Variants in TMEFF2 observed in about 807,000 individuals in gnomAD.
TMEFF2 encodes the protein transmembrane protein with EGF like and two follistatin like domains 2, also known as tomoregulin-2.
In TMEFF2, 28 loss-of-function variants were observed where a neutral mutation model predicts 53.8. That is an observed-to-expected ratio of 0.52 (90% CI 0.39 to 0.71). The LOEUF is 0.71. Ranked by LOEUF, TMEFF2 falls within the 30% of genes least tolerant of loss-of-function variation. TMEFF2 has a pLI of 0.00. For missense variants in TMEFF2, 353 were observed against 455.2 expected, an observed-to-expected ratio of 0.78 and a Z score of 2.04; for synonymous variants, 162 against 166.3, an observed-to-expected ratio of 0.97 and a Z score of 0.20.
chr2:192,092,192 GA>G (rs1270788805), intron 4 of TMEFF2, among the ~76,000 whole-genome samples: 6 of 151,608 alleles, frequency 4.0e-5, no homozygotes, highest in Non-Finnish European at 7.4e-5. Flanking sequence ...TGAATGAGTG[GA>G]AAAAAAATGG....
chr2:192,132,288 G>A (rs995338318), intron 4 of TMEFF2, among the ~76,000 whole-genome samples: 9 of 152,170 alleles, frequency 5.9e-5, no homozygotes, highest in South Asian at 2.1e-4. Context: ...CATAGTCCAG[G>A]TTAATGCTCC....
At chr2:192,185,935 A>G (rs987626391) in intron 2 of TMEFF2, among the ~76,000 whole-genome samples, 4 of 152,142 alleles carry the variant, frequency 2.6e-5, no homozygotes, top group Non-Finnish European at 4.4e-5. Flanking sequence ...TCCAAACAGT[A>G]AACCCAAATG....
chr2:192,194,871 GGA>G lies in TMEFF2; in HGVS notation c.-349_-348del. The G allele has an allele frequency of 3.7e-6, 1 of 267,566 alleles. No individual in the cohort carries two copies. The allele number at this position is 267,566 out of a possible 1,614,324, so 16.6% of individuals were successfully genotyped here. On this transcript the variant is annotated 5_prime_UTR_variant, in exon 1 of 10. Transcript: ENST00000272771. The surrounding 1 kb of genome is among the most constrained non-coding windows in gnomAD (Gnocchi z 4.2). ...TGGAGCCCGAGGAGGCAGGGTGGAG[GGA>G]GAGTCAAGGCGCCCCGCAGCCCGGC...
intron 4 of TMEFF2, among the ~76,000 whole-genome samples, chr2:192,098,634 A>G (rs12473522): frequency 0.63 from 95,907 of 152,076 alleles, 35,488 homozygotes; most frequent in Non-Finnish European, 0.83. Flanking sequence ...CAATTGGATG[A>G]TAAAAGTAAA....
At chr2:192,037,369 A>T (rs1318226819) in intron 5 of TMEFF2, among the ~76,000 whole-genome samples, 1 of 150,276 alleles carries the variant, frequency 6.7e-6, no homozygotes, top group African/African-American at 2.5e-5. Context: ...CTCTCACTTA[A>T]GTTTTTTTTC....
At chr2:192,158,044 C>T (rs1690547400) in intron 4 of TMEFF2, among the ~76,000 whole-genome samples, 1 of 152,044 alleles carries the variant, frequency 6.6e-6, no homozygotes, top group African/African-American at 2.4e-5. Context: ...TTATTTTTGC[C>T]TCCCTGGCAC....
At chr2:192,101,292 G>A (rs1475673934) in intron 4 of TMEFF2, among the ~76,000 whole-genome samples, 2 of 152,098 alleles carry the variant, frequency 1.3e-5, no homozygotes, top group African/African-American at 4.8e-5. Flanking sequence ...CGTGTAATTA[G>A]TTGTGTGATA....
chr2:192,132,794 G>A (rs568083177), intron 4 of TMEFF2, among the ~76,000 whole-genome samples: 5 of 152,202 alleles, frequency 3.3e-5, no homozygotes, highest in East Asian at 1.9e-4. Context: ...GCTGAAAATC[G>A]GAGTGTTCAA....
At chr2:192,138,781 T>G (rs1161398409) in intron 4 of TMEFF2, among the ~76,000 whole-genome samples, 1 of 152,180 alleles carries the variant, frequency 6.6e-6, no homozygotes, top group African/African-American at 2.4e-5. Context: ...TTCCTGAATC[T>G]GAAATAATGG....
chr2:192,057,967 A>G (rs1197381857), intron 4 of TMEFF2, among the ~76,000 whole-genome samples, 192 bp from the exon 5 acceptor site: 1 of 152,146 alleles, frequency 6.6e-6, no homozygotes, highest in Non-Finnish European at 1.5e-5. Flanking sequence ...TATGTTTCCC[A>G]TTGGTATGTG....
chr2:191,983,353 G>A (rs1159304080), intron 7 of TMEFF2, among the ~76,000 whole-genome samples: 3 of 150,386 alleles, frequency 2.0e-5, no homozygotes, highest in Admixed American at 2.0e-4. Context: ...TGGCACTGTT[G>A]CAGTAGACAG....
At chr2:191,963,132 G>A (rs150853603) in intron 7 of TMEFF2, among the ~76,000 whole-genome samples, 1 of 152,190 alleles carries the variant, frequency 6.6e-6, no homozygotes, top group Admixed American at 6.5e-5. Context: ...CTTATCTGGG[G>A]CAATTTGTTG....
At chr2:191,952,382 T>G (rs1047768332) in intron 9 of TMEFF2, among the ~76,000 whole-genome samples, 3 of 152,236 alleles carry the variant, frequency 2.0e-5, no homozygotes, top group Admixed American at 2.0e-4. Flanking sequence ...TTGTTGAGAT[T>G]ATATCCATTA....
intron 4 of TMEFF2, among the ~76,000 whole-genome samples, chr2:192,089,230 C>T (rs1397648037): frequency 6.6e-6 from 1 of 151,970 alleles, no homozygotes; most frequent in Non-Finnish European, 1.5e-5. Flanking sequence ...TTTTAAATCC[C>T]TTTAGGCTCA....
Position 191,953,883 on chromosome 2 carries a change from ATTTTTTTTT to A in TMEFF2, c.870-55_870-47del, listed in dbSNP as rs563154787. The A allele has an allele frequency of 9.7e-5, 59 of 610,284 alleles. No homozygotes were observed. The African/African-American group carries it at 1.3e-3, about 13-fold the overall frequency. The allele number at this position is 610,284 out of a possible 1,614,324, so 37.8% of individuals were successfully genotyped here. A position where few individuals can be genotyped will look rare whatever the true frequency, so the allele number is the denominator to read the frequency against. On this transcript the variant is annotated intron_variant, in intron 8 of 9. Transcript: ENST00000272771. ...CAGTTACCTGTAGGGTGCTGCATTC[ATTTTTTTTT>A]TTTTTTTTTTTTTTTGAGACGGAGT... is the stretch of plus-strand genomic sequence containing the variant.
At chr2:192,005,659 G>C (rs982372885) in intron 5 of TMEFF2, among the ~76,000 whole-genome samples, 3 of 152,078 alleles carry the variant, frequency 2.0e-5, no homozygotes, top group African/African-American at 7.2e-5. Context: ...TGTTTCTCTT[G>C]AGGGTGTCTG....
chr2:191,985,480 TAAA>T (rs569688058), intron 7 of TMEFF2, among the ~76,000 whole-genome samples: 2 of 143,300 alleles, frequency 1.4e-5, no homozygotes, highest in African/African-American at 6.1e-5. Context: ...CTAGTGAAGA[TAAA>T]AAACAAAACA....
intron 4 of TMEFF2, among the ~76,000 whole-genome samples, chr2:192,161,412 C>T (rs1690630123): frequency 6.6e-6 from 1 of 152,130 alleles, no homozygotes; most frequent in Admixed American, 6.5e-5. Flanking sequence ...CTCGGCCTCC[C>T]AAAGTGTTGG....
At chr2:191,958,721 A>C (rs1294104148) in intron 7 of TMEFF2, among the ~76,000 whole-genome samples, 1 of 152,246 alleles carries the variant, frequency 6.6e-6, no homozygotes, top group Admixed American at 6.5e-5. Context: ...ATTAGTTTAC[A>C]CTATTCCTTA....
Sources: gnomAD v4.1 joint callset for allele counts (sites outside exome capture counted in the v4.1 genomes callset) on GRCh38, gnomAD v4.1.1 for gene constraint, Gnocchi (gnomAD v3.1) non-coding constraint, MANE v1.5 for transcripts, NCBI Gene and HGNC (gene_info 2026-07-23, HGNC 2026-07-21) for gene names.